UGT3A2: variants seen among roughly 807,000 people sequenced by gnomAD.
The protein encoded by UGT3A2 is UDP glycosyltransferase family 3 member A2, also known as UDP-glycosyltransferase 3A2.
A neutral mutation model predicts 39.8 loss-of-function variants in UGT3A2; 32 were observed. The ratio of observed to expected loss-of-function variants is 0.80; its 90% CI spans 0.61 to 1.08. UGT3A2 has a LOEUF of 1.08. Among genes scored for constraint, UGT3A2 ranks in the 50% least tolerant of loss-of-function variants. The pLI, the probability that UGT3A2 is intolerant of heterozygous loss-of-function variation, is 0.00. For synonymous variants in UGT3A2, 241 were observed against 230.7 expected, an observed-to-expected ratio of 1.04 and a Z score of -0.40; for missense variants, 611 against 637.1, an observed-to-expected ratio of 0.96 and a Z score of 0.44.
chr5:36,040,550 G>C (rs2111699451), intron 4 of UGT3A2, among the ~76,000 whole-genome samples: 1 of 152,278 alleles, frequency 6.6e-6, no homozygotes, highest in South Asian at 2.1e-4. Context: ...AGAGCACAGT[G>C]ACTATAGACT....
At chr5:36,036,123 A>T in intron 6 of UGT3A2, 149 bp from the exon 7 acceptor site, 1 of 1,010,888 alleles carries the variant, frequency 9.9e-7, no homozygotes, top group Non-Finnish European at 1.4e-6. Context: ...TTGAAATTTA[A>T]TCATGACACC....
In UGT3A2 at chr5:36,049,051, T is replaced by C; in HGVS notation, c.681A>G (p.Glu227=). The C allele has an allele frequency of 1.1e-5, 17 of 1,614,216 alleles. No homozygotes were observed. The highest frequency in any genetic ancestry group is 1.4e-5 in the Non-Finnish European group (17 of 1,180,032). The change falls in exon 4 of 7, where the codon GAA becomes GAG. Residue 227 remains glutamate, a synonymous_variant. Transcript: ENST00000282507. ...MQSTFDNTIK[E]HFTEGSRPVL... The stretch of plus-strand genomic sequence containing the variant: ...CTGGCCTAGAGCCTTCTGTGAAATG[T>C]TCCTTGATGGTGTTGTCAAATGTAG...
In UGT3A2 at chr5:36,066,876, A is replaced by C. The variant is rs1297735729; in HGVS notation, c.-87T>G. Reference sequence around the variant, plus strand: ...GACCCTGTGCACCTCAGTGCGCCAAAGGCACTGGCTGTGGGTAGAGGTAGG... The same window carrying C: ...GACCCTGTGCACCTCAGTGCGCCAACGGCACTGGCTGTGGGTAGAGGTAGG... On this transcript the variant is annotated 5_prime_UTR_variant, in exon 1 of 7. Transcript: ENST00000282507. 1.6e-5 allele frequency: 23 copies of C among 1,476,344 alleles called. No individual in the cohort carries two copies. The highest frequency in any genetic ancestry group is 2.2e-5 in the Non-Finnish European group (23 of 1,056,590). The allele number at this position is 1,476,344 out of a possible 1,614,324, so 91.5% of individuals were successfully genotyped here.
intron 6 of UGT3A2, among the ~76,000 whole-genome samples, chr5:36,037,502 C>G (rs1741867961): frequency 6.6e-6 from 1 of 152,110 alleles, no homozygotes; most frequent in Non-Finnish European, 1.5e-5. Context: ...ATCCCGCTGA[C>G]CTGAATTCCA....
chr5:36,047,850 C>G (rs957040893), intron 4 of UGT3A2, among the ~76,000 whole-genome samples: 4 of 152,158 alleles, frequency 2.6e-5, no homozygotes, highest in African/African-American at 9.7e-5. Context: ...CAGTGCCACC[C>G]AGGGAAGCCA....
At chr5:36,062,650 G>T (rs996255550) in intron 2 of UGT3A2, among the ~76,000 whole-genome samples, 3 of 152,246 alleles carry the variant, frequency 2.0e-5, no homozygotes, top group Middle Eastern at 3.4e-3. Flanking sequence ...CTGTAGTCTT[G>T]TAGTATAGTT....
chr5:36,062,056 G>C (rs954975866), intron 2 of UGT3A2, among the ~76,000 whole-genome samples: 2 of 151,764 alleles, frequency 1.3e-5, no homozygotes, highest in African/African-American at 4.9e-5. Context: ...AGAAGTGTCT[G>C]TTCATGTCCT....
At chr5:36,062,643 T>C (rs1262183850) in intron 2 of UGT3A2, among the ~76,000 whole-genome samples, 1 of 152,196 alleles carries the variant, frequency 6.6e-6, no homozygotes, top group Non-Finnish European at 1.5e-5. Context: ...TTGTTTACTG[T>C]AGTCTTGTAG....
At chr5:36,065,797 G>A (rs1191335788) in intron 1 of UGT3A2, among the ~76,000 whole-genome samples, 1 of 152,078 alleles carries the variant, frequency 6.6e-6, no homozygotes, top group Non-Finnish European at 1.5e-5. Context: ...TGCCCTCTCA[G>A]GAAATGAAAA....
intron 4 of UGT3A2, among the ~76,000 whole-genome samples, chr5:36,044,505 A>C (rs4869611): frequency 0.06 from 9,183 of 152,212 alleles, 338 homozygotes; most frequent in East Asian, 0.12. Flanking sequence ...GAAAGAAATA[A>C]AGGGCAGTTA....
intron 2 of UGT3A2, among the ~76,000 whole-genome samples, chr5:36,059,895 G>A (rs1272939329): frequency 6.6e-6 from 1 of 152,194 alleles, no homozygotes; most frequent in Non-Finnish European, 1.5e-5. Context: ...CCGTGTGGGT[G>A]CTCTCAAGGT....
At chr5:36,040,487 A>T (rs1427510777) in intron 4 of UGT3A2, among the ~76,000 whole-genome samples, 1 of 152,200 alleles carries the variant, frequency 6.6e-6, no homozygotes, top group Non-Finnish European at 1.5e-5. Flanking sequence ...TAGGAAAGAC[A>T]GTCTTCAATT....
intron 6 of UGT3A2, 41 bp downstream of exon 6, chr5:36,037,756 T>C (rs549674882): frequency 6.2e-7 from 1 of 1,609,230 alleles, no homozygotes; most frequent in South Asian, 1.1e-5. Flanking sequence ...TGTTTTTGCC[T>C]TCATTCGTCA....
Position 36,055,379 on chromosome 5 carries a change from C to T in UGT3A2, c.197-3395G>A, listed in dbSNP as rs182104520. Among the ~76,000 whole-genome samples, 200 of 152,024 alleles carry T rather than the reference C, an allele frequency of 1.3e-3. 2 individuals are homozygous for T. The highest frequency in any genetic ancestry group is 4.6e-3 in the African/African-American group (189 of 41,492). The stretch of plus-strand genomic sequence containing the variant: ...CTCTGAGTAGCTGGGATTACAGGCA[C>T]GAGCCACCATGCCTGGCTAATTTTT... On this transcript the variant is annotated intron_variant, in intron 2 of 6. Coordinates refer to ENST00000282507, the MANE Select transcript of UGT3A2 (RefSeq NM_174914.4).
intron 2 of UGT3A2, among the ~76,000 whole-genome samples, chr5:36,063,056 G>A (rs1561498900): frequency 2.6e-5 from 4 of 151,752 alleles, no homozygotes; most frequent in Non-Finnish European, 1.5e-5. Context: ...AAAAAAAATG[G>A]TTTTAGAAAT....
rs371776225 is a variant in UGT3A2 at position 36,058,718 on chromosome 5, TC to T, written c.196+5530del. Reference sequence around the variant, plus strand: ...GCTCACTAGAAACGGGGAGCTCTTTTCTTCTTCCCCTGGCCCCCTTCTTTAT... The same window carrying T: ...GCTCACTAGAAACGGGGAGCTCTTTTTTCTTCCCCTGGCCCCCTTCTTTAT... On this transcript the variant is annotated intron_variant, in intron 2 of 6. Coordinates refer to ENST00000282507, the MANE Select transcript of UGT3A2 (RefSeq NM_174914.4). Among the ~76,000 whole-genome samples, 60 of 152,324 alleles carry T rather than the reference TC, an allele frequency of 3.9e-4. 1 individual carries two copies. The South Asian group carries it at 0.012, about 32-fold the overall frequency.
chr5:36,035,088 A>T lies in UGT3A2; in HGVS notation c.*610T>A, dbSNP rs1048728. 95,722 of 153,570 alleles carry T rather than the reference A, an allele frequency of 0.62. 35,672 individuals are homozygous for T. Among genetic ancestry groups the T allele is most frequent in the Non-Finnish European group, 0.83 (57,491 of 68,910 alleles). 9.5% of individuals were successfully genotyped at this position (153,570 alleles called of 1,614,324 possible). A position where few individuals can be genotyped will look rare whatever the true frequency, so the allele number is the denominator to read the frequency against. On this transcript the variant is annotated 3_prime_UTR_variant, in exon 7 of 7. Coordinates refer to ENST00000282507, the MANE Select transcript of UGT3A2 (RefSeq NM_174914.4). ...GAAATCTGGAAACCTACAGTCTCCAAGCCTGCTCAGCCAAGAAGGAGCTCA... is the reference window on the plus strand; with the variant it reads ...GAAATCTGGAAACCTACAGTCTCCATGCCTGCTCAGCCAAGAAGGAGCTCA...
chr5:36,051,022 T>C (rs1396905950), intron 3 of UGT3A2, among the ~76,000 whole-genome samples: 2 of 152,124 alleles, frequency 1.3e-5, no homozygotes, highest in African/African-American at 2.4e-5. Context: ...AGGCATATGC[T>C]CAAAATATAT....
intron 2 of UGT3A2, among the ~76,000 whole-genome samples, chr5:36,063,641 T>C (rs191030502): frequency 1.2e-4 from 19 of 152,324 alleles, no homozygotes; most frequent in Middle Eastern, 3.4e-3. Context: ...TCTATCTATA[T>C]ACAGAGAGTC....
Sources: allele counts gnomAD v4.1 joint callset (sites outside exome capture counted in the v4.1 genomes callset), GRCh38; gene constraint gnomAD v4.1.1; transcripts MANE v1.5; gene names NCBI Gene and HGNC (gene_info 2026-07-23, HGNC 2026-07-21).